XRCC2: variants seen among roughly 807,000 people sequenced by gnomAD.
XRCC2 encodes X-ray repair cross complementing 2, also known as DNA repair protein XRCC2.
Under a neutral mutation model 27.3 loss-of-function variants are expected in XRCC2, and 24 were observed. The observed-to-expected ratio is 0.88, with a 90% confidence interval of 0.64 to 1.24. The LOEUF is 1.24. Ranked by LOEUF, XRCC2 falls within the 50% of genes most tolerant of loss-of-function variation. XRCC2 has a pLI of 0.00. For missense variants in XRCC2, 321 were observed against 325.8 expected, an observed-to-expected ratio of 0.99 and a Z score of 0.11; for synonymous variants, 106 against 115.4, an observed-to-expected ratio of 0.92 and a Z score of 0.52.
At chr7:152,673,037 T>C (rs1164645860) in intron 1 of XRCC2, among the ~76,000 whole-genome samples, 4 of 152,134 alleles carry the variant, frequency 2.6e-5, no homozygotes, top group African/African-American at 9.7e-5. Context: ...AAAGTAAAAA[T>C]CCTATTGCTA....
Position 152,663,346 on chromosome 7 carries a change from T to TAAAAAAAAAA in XRCC2, c.40-2574_40-2565dup, listed in dbSNP as rs530664762. Among the ~76,000 whole-genome samples the TAAAAAAAAAA allele has an allele frequency of 4.3e-3, 349 of 80,750 alleles. 13 individuals carry two copies. The highest frequency in any genetic ancestry group is 7.0e-3 in the East Asian group (17 of 2,446). 53.0% of individuals were successfully genotyped at this position (80,750 alleles called of 152,430 possible). On this transcript the variant is annotated intron_variant, in intron 1 of 2. Transcript: ENST00000359321. ...GCTTTACGTAAGAATGTCTTTGAAG[T>TAAAAAAAAAA]AAAAAAAAAAAAAAAAAAAAAAAAA... is the stretch of plus-strand genomic sequence containing the variant.
chr7:152,649,197 A>C lies in XRCC2; in HGVS notation c.288T>G (p.Leu96=), dbSNP rs1238458039. 1.2e-6 allele frequency: 2 copies of C among 1,613,846 alleles called. No individual in the cohort carries two copies. Among genetic ancestry groups the C allele is most frequent in the Admixed American group, 1.7e-5 (1 of 60,022 alleles). ...HFDMLRLVTI[L]EHRLSQSSEE... ...CAGAGCTTTGGGATAGTCTGTGCTC[A>C]AGAATTGTAACTAGCCGGAGCATAT... Residue 96 remains leucine, a synonymous_variant, in exon 3 of 3, where the codon CTT becomes CTG. Transcript: ENST00000359321.
At chr7:152,660,842 A>T in intron 1 of XRCC2, 60 bp from the exon 2 acceptor site, 1 of 1,399,682 alleles carries the variant, frequency 7.1e-7, no homozygotes, top group Admixed American at 2.0e-5. Context: ...CTAGACATCT[A>T]TATTTATACC....
At chr7:152,661,191 ATAGTT>A (rs772559492) in intron 1 of XRCC2, among the ~76,000 whole-genome samples, 7 of 152,174 alleles carry the variant, frequency 4.6e-5, no homozygotes, top group Non-Finnish European at 1.0e-4. Flanking sequence ...AATAGGAAAT[ATAGTT>A]TAGGAGAAAT....
At position 152,646,595 on chromosome 7, in the gene XRCC2, GCCT is replaced by G. The variant is rs2098026026; in HGVS notation, c.*2044_*2046del. The G allele has an allele frequency of 1.3e-5, 2 of 152,256 alleles. No homozygotes were observed. Among genetic ancestry groups the G allele is most frequent in the Non-Finnish European group, 2.9e-5 (2 of 68,140 alleles). 9.4% of individuals were successfully genotyped at this position (152,256 alleles called of 1,614,324 possible). ...GGGTTCCAGCAATTCTCCTGCCTCG[GCCT>G]CCTGAGTAGCTGGCACTACAGGCAC... On this transcript the variant is annotated 3_prime_UTR_variant, in exon 3 of 3. Coordinates refer to ENST00000359321, the MANE Select transcript of XRCC2 (RefSeq NM_005431.2).
intron 1 of XRCC2, among the ~76,000 whole-genome samples, chr7:152,662,264 C>A (rs912195037): frequency 6.6e-6 from 1 of 152,090 alleles, no homozygotes; most frequent in African/African-American, 2.4e-5. Context: ...CCGCGCCCAG[C>A]CTATCTGCAT....
At position 152,660,688 on chromosome 7, in the gene XRCC2, T is replaced by C. The variant is rs752187319; in HGVS notation, c.121+13A>G. The stretch of plus-strand genomic sequence containing the variant: ...AGATTTGCATTTATTTATATAAAGG[T>C]TGTATTTTTTACCATGCACAGGTGA... On this transcript the variant is annotated intron_variant, in intron 2 of 2. Transcript: ENST00000359321. The C allele has an allele frequency of 3.1e-6, 5 of 1,599,718 alleles. No homozygotes were observed. In the African/African-American group the frequency reaches 4.0e-5, roughly 13 times the overall value.
intron 1 of XRCC2, among the ~76,000 whole-genome samples, chr7:152,673,817 A>G (rs2098039204): frequency 6.6e-6 from 1 of 152,122 alleles, no homozygotes; most frequent in Admixed American, 6.6e-5. Context: ...CAGAGGTTAC[A>G]GTGAGCCAAG....
chr7:152,660,600 T>C (rs765617527), intron 2 of XRCC2, 101 bp downstream of exon 2: 1 of 938,472 alleles, frequency 1.1e-6, no homozygotes, highest in Non-Finnish European at 1.6e-6. Flanking sequence ...CAGTTTAACC[T>C]GTATAAACTC....
At chr7:152,667,061 A>C (rs1228391117) in intron 1 of XRCC2, among the ~76,000 whole-genome samples, 1 of 152,222 alleles carries the variant, frequency 6.6e-6, no homozygotes, top group African/African-American at 2.4e-5. Flanking sequence ...GTCATTTCTC[A>C]AAACACTGTA....
At position 152,648,671 on chromosome 7, in the gene XRCC2, T is replaced by C; in HGVS notation, c.814A>G (p.Ile272Val). 1.2e-6 allele frequency: 2 copies of C among 1,606,910 alleles called. No homozygotes were observed. Among genetic ancestry groups the C allele is most frequent in the Non-Finnish European group, 1.7e-6 (2 of 1,177,260 alleles). ...CAAAATTCAACCCCACTTTCTCCAA[T>C]AATAAAAAAATGTTTTTTTAAACTG... ...SNSLKKHFFI[I>V]GESGVEFC Residue 272 changes from isoleucine to valine, a missense_variant, in exon 3 of 3, where the codon ATT becomes GTT. Coordinates refer to ENST00000359321, the MANE Select transcript of XRCC2 (RefSeq NM_005431.2).
chr7:152,674,246 T>C (rs2098039373), intron 1 of XRCC2, among the ~76,000 whole-genome samples: 1 of 152,172 alleles, frequency 6.6e-6, no homozygotes, highest in Non-Finnish European at 1.5e-5. Flanking sequence ...TGCTAGACTC[T>C]CATTTTTTGG....
rs1309401221 is a variant in XRCC2 at position 152,645,035 on chromosome 7, A to G, written c.*3607T>C. 6.6e-6 allele frequency: 1 copy of G among 152,190 alleles called. No homozygotes were observed. The highest frequency in any genetic ancestry group is 2.4e-5 in the African/African-American group (1 of 41,448). The allele number at this position is 152,190 out of a possible 1,614,324, so 9.4% of individuals were successfully genotyped here. On this transcript the variant is annotated 3_prime_UTR_variant, in exon 3 of 3. Transcript: ENST00000359321. ...TTTATATTTTATTTTCACATTGAAA[A>G]TCAGTAAGATTTGCTTCAGCCTCCA...
At chr7:152,662,232 C>T (rs1465020123) in intron 1 of XRCC2, among the ~76,000 whole-genome samples, 2 of 152,110 alleles carry the variant, frequency 1.3e-5, no homozygotes, top group African/African-American at 4.8e-5. Context: ...TCCCAATCTG[C>T]TGGGATTACA....
intron 1 of XRCC2, among the ~76,000 whole-genome samples, chr7:152,667,405 C>CAAAAAAAAAA (rs60136474): frequency 6.6e-5 from 5 of 75,856 alleles, no homozygotes; most frequent in African/African-American, 3.2e-4. Context: ...AACTCCGTCT[C>CAAAAAAAAAA]AAAAAAAAAA....
chr7:152,660,585 T>C (rs567442463), intron 2 of XRCC2, 116 bp downstream of exon 2: 2 of 777,166 alleles, frequency 2.6e-6, no homozygotes, highest in Admixed American at 3.1e-5. Context: ...CATTTTCCAA[T>C]TGTACAGTTT....
intron 1 of XRCC2, among the ~76,000 whole-genome samples, chr7:152,673,768 C>G (rs1265888949): frequency 6.6e-6 from 1 of 151,852 alleles, no homozygotes; most frequent in African/African-American, 2.4e-5. Context: ...CCCAGCTACT[C>G]GGGAGGCTGA....
At chr7:152,658,392 T>G (rs2098031662) in intron 2 of XRCC2, among the ~76,000 whole-genome samples, 1 of 152,154 alleles carries the variant, frequency 6.6e-6, no homozygotes, top group South Asian at 2.1e-4. Context: ...CCTCAGGTGA[T>G]CCACCTACCT....
intron 2 of XRCC2, among the ~76,000 whole-genome samples, chr7:152,653,883 C>T (rs532783146): frequency 1.6e-4 from 25 of 152,206 alleles, no homozygotes; most frequent in Non-Finnish European, 2.5e-4. Context: ...AAATGTCCTA[C>T]AGCCACTAAA....
Sources: gnomAD v4.1 joint callset for allele counts (sites outside exome capture counted in the v4.1 genomes callset) on GRCh38, gnomAD v4.1.1 for gene constraint, MANE v1.5 for transcripts, NCBI Gene and HGNC (gene_info 2026-07-23, HGNC 2026-07-21) for gene names.